APOB: variants seen among roughly 807,000 people sequenced by gnomAD.
APOB encodes apolipoprotein B-100.
A neutral mutation model predicts 314.1 loss-of-function variants in APOB; 153 were observed. The ratio of observed to expected loss-of-function variants is 0.49; its 90% CI spans 0.43 to 0.56. The LOEUF is 0.56. Ranked by LOEUF, APOB falls within the 20% of genes least tolerant of loss-of-function variation. The pLI, the probability that APOB is intolerant of heterozygous loss-of-function variation, is 0.00. For synonymous variants in APOB, 2,087 were observed against 2,036.4 expected (o/e 1.02, Z -0.67); for missense variants, 5,430 against 5,350.7 (o/e 1.01, Z -0.46).
intron 16 of APOB, 88 bp from the exon 17 acceptor site, chr2:21,023,780 A>G (rs542955265): frequency 1.8e-6 from 2 of 1,108,692 alleles, no homozygotes; most frequent in African/African-American, 1.6e-5. Flanking sequence ...TTGGAGAGTA[A>G]TTCCTCTTTA....
At position 21,016,498 on chromosome 2, in the gene APOB, T is replaced by C; in HGVS notation, c.3273A>G (p.Arg1091=). 1.9e-6 allele frequency: 3 copies of C among 1,611,778 alleles called. No individual in the cohort carries two copies. Among genetic ancestry groups the C allele is most frequent in the Non-Finnish European group, 2.5e-6 (3 of 1,177,950 alleles). The change falls in exon 21 of 29, where the codon AGA becomes AGG. Residue 1091 remains arginine, a synonymous_variant. Coordinates refer to ENST00000233242, the MANE Select transcript of APOB (RefSeq NM_000384.3). ...DESTEGKTSY[R]LTLDIQNKKI... Reference sequence around the variant, plus strand: ...TCTTGTTCTGAATGTCCAGGGTGAGTCTGTAAGACGTTTTGCCCTCAGTAG... The same window carrying C: ...TCTTGTTCTGAATGTCCAGGGTGAGCCTGTAAGACGTTTTGCCCTCAGTAG...
intron 2 of APOB, 42 bp downstream of exon 2, chr2:21,043,471 G>A (rs765763812): frequency 1.9e-6 from 3 of 1,580,526 alleles, no homozygotes; most frequent in Admixed American, 3.6e-5. Context: ...GAGAGTGCAC[G>A]GGGCTGGGCG....
At chr2:21,040,356 T>C (rs1664100391) in intron 4 of APOB, among the ~76,000 whole-genome samples, 1 of 152,244 alleles carries the variant, frequency 6.6e-6, no homozygotes, top group African/African-American at 2.4e-5. Flanking sequence ...CCTGCCTGTA[T>C]TCATACACAC....
At chr2:21,036,398 G>C (rs1235627186) in intron 6 of APOB, among the ~76,000 whole-genome samples, 1 of 152,174 alleles carries the variant, frequency 6.6e-6, no homozygotes, top group African/African-American at 2.4e-5. Context: ...CAACCCTAAG[G>C]ACAATGACCA....
rs757565957 is a variant in APOB, at chr2:21,019,017, G to T, written c.3096C>A (p.Thr1032=). 6.2e-7 allele frequency: 1 copy of T among 1,613,832 alleles called. No individual in the cohort carries two copies. Among genetic ancestry groups the T allele is most frequent in the East Asian group, 2.2e-5 (1 of 44,838 alleles). The stretch of plus-strand genomic sequence containing the variant: ...CTTCTGCTTGAGTTACAAACTTCAG[G>T]GTATCCACCAAGGCTCTGTCCTCTC... ...LQREDRALVD[T]LKFVTQAEGA... The change falls in exon 20 of 29, where the codon ACC becomes ACA. Residue 1032 remains threonine, a synonymous_variant. Transcript: ENST00000233242.
chr2:21,010,595 TACA>T lies in APOB; in HGVS notation c.6270_6272del (p.Val2091del), dbSNP rs1558564363. The stretch of plus-strand genomic sequence containing the variant: ...TCAGGTTTCTCTGTACGTTTTCCAG[TACA>T]ACTATAATGGTTTGTCGATTCCTCT... On this transcript the variant is annotated inframe_deletion, in exon 26 of 29. Transcript: ENST00000233242. 1.2e-6 allele frequency: 2 copies of T among 1,613,938 alleles called. No homozygotes were observed. Among genetic ancestry groups the T allele is most frequent in the Admixed American group, 3.3e-5 (2 of 59,978 alleles).
rs375521241 is a variant in APOB at position 21,007,487 on chromosome 2, G to A, written c.9381C>T (p.Asn3127=). 6 of 1,614,084 alleles carry A rather than the reference G, an allele frequency of 3.7e-6. No homozygotes were observed. Among genetic ancestry groups the A allele is most frequent in the Non-Finnish European group, 4.2e-6 (5 of 1,179,972 alleles). The change falls in exon 26 of 29, where the codon AAC becomes AAT. Residue 3127 remains asparagine (N), a synonymous_variant. Coordinates refer to ENST00000233242, the MANE Select transcript of APOB (RefSeq NM_000384.3). The part of the protein sequence containing the change: ...INGEANLDFL[N]IPLTIPEMRL... Reference sequence around the variant, plus strand: ...GCATTTCAGGAATTGTTAAAGGAATGTTTAAGAAATCCAGATTTGCTTCTC... The same window carrying A: ...GCATTTCAGGAATTGTTAAAGGAATATTTAAGAAATCCAGATTTGCTTCTC...
chr2:21,014,654 A>G, intron 23 of APOB, 61 bp from the exon 24 acceptor site: 3 of 1,571,894 alleles, frequency 1.9e-6, no homozygotes, highest in South Asian at 1.1e-5. Flanking sequence ...AGAGCAATGA[A>G]CATTAGGCAA....
At chr2:21,038,709 C>G (rs894447854) in intron 4 of APOB, among the ~76,000 whole-genome samples, 1 of 152,206 alleles carries the variant, frequency 6.6e-6, no homozygotes, top group Non-Finnish European at 1.5e-5. Context: ...TTTGCCCATC[C>G]TCCCCATACG....
chr2:21,035,045 A>G, intron 7 of APOB, 144 bp from the exon 8 acceptor site: 1 of 737,492 alleles, frequency 1.4e-6, no homozygotes, highest in Non-Finnish European at 2.5e-6. Context: ...TTGGCCCTGA[A>G]TGAATAACAT....
chr2:21,017,617 G>A (rs1393496276), intron 20 of APOB, among the ~76,000 whole-genome samples: 2 of 152,052 alleles, frequency 1.3e-5, no homozygotes, highest in Non-Finnish European at 2.9e-5. Context: ...CAGCCCTTCT[G>A]GGCCAGGAAG....
intron 18 of APOB, 53 bp downstream of exon 18, chr2:21,022,778 A>C: frequency 6.3e-7 from 1 of 1,575,584 alleles, no homozygotes; most frequent in Non-Finnish European, 8.7e-7. Flanking sequence ...CTGCAGGTAC[A>C]TTCTCTGTTC....
intron 16 of APOB, 89 bp downstream of exon 16, chr2:21,024,844 G>A (rs1426750641): frequency 1.5e-6 from 2 of 1,379,036 alleles, no homozygotes; most frequent in East Asian, 2.3e-5. Context: ...TTTCGGGCTT[G>A]TGCAGCTGGG....
chr2:21,008,569 G>A lies in APOB; in HGVS notation c.8299C>T (p.Pro2767Ser), dbSNP rs138465008. ...GCATTTGCATCTAATGTGAAAAGAG[G>A]AGATTGGATTTTCAGAATACTGTAT... Reference protein sequence around the residue: ...KLYSILKIQSPLFTLDANADI... With the variant: ...KLYSILKIQSSLFTLDANADI... Residue 2767 changes from proline (P) to serine (S), a missense_variant, in exon 26 of 29, where the codon CCT becomes TCT. By Grantham distance (74) the Pro-to-Ser change is moderately conservative. Transcript: ENST00000233242. 4.3e-5 allele frequency: 70 copies of A among 1,614,020 alleles called. No homozygotes were observed. The highest frequency in any genetic ancestry group is 5.6e-5 in the Non-Finnish European group (66 of 1,179,990).
In APOB at chr2:21,002,526, A is replaced by C. The variant is rs776181718; in HGVS notation, c.12896T>G (p.Leu4299Arg). The C allele has an allele frequency of 6.2e-7, 1 of 1,613,764 alleles. No homozygotes were observed. The highest frequency in any genetic ancestry group is 1.7e-5 in the Admixed American group (1 of 60,012). ...GAAAATGAATTGTAAAAGGTCCTGA[A>C]GATTACGTAGCACCTCTGTGGTCTT... The part of the protein sequence containing the change: ...SLKTTEVLRN[L>R]QDLLQFIFQL... Residue 4299 changes from leucine to arginine, a missense_variant, in exon 29 of 29, where the codon CTT becomes CGT. Around this residue, in one of 3 missense-constraint regions of APOB, gnomAD observed 3,281 missense variants for 3,171.0 expected, o/e 1.03. Transcript: ENST00000233242.
chr2:21,027,958 G>T lies in APOB; in HGVS notation c.1937C>A (p.Pro646Gln), dbSNP rs760667226. The change falls in exon 14 of 29, where the codon CCA becomes CAA. Residue 646 changes from proline to glutamine, a missense_variant. This residue lies in a region of APOB where 2,085 missense variants were observed against 2,079.7 expected (regional missense o/e 1.00). Coordinates refer to ENST00000233242, the MANE Select transcript of APOB (RefSeq NM_000384.3). ...TTTGGCTGAGGCTGGGTCAAGTGAT[G>T]GAAGAGAAACAGATTTGTAGAGTTG... ...NYQLYKSVSL[P>Q]SLDPASAKIE... 1.2e-6 allele frequency: 2 copies of T among 1,613,880 alleles called. No individual in the cohort carries two copies. Among genetic ancestry groups the T allele is most frequent in the East Asian group, 4.5e-5 (2 of 44,880 alleles).
Position 21,006,500 on chromosome 2 carries a change from G to A in APOB, c.10368C>T (p.Ser3456=). 6.2e-7 allele frequency: 1 copy of A among 1,614,142 alleles called. No homozygotes were observed. Among genetic ancestry groups the A allele is most frequent in the South Asian group, 1.1e-5 (1 of 91,084 alleles). ...TGAAATCATACTTAAATTCCATGGA[G>A]GAAGAGACAGTAGGTTTTGACTTGG... ...GNTKSKPTVS[S]SMEFKYDFNS... is the part of the protein sequence containing the mutation. The change falls in exon 26 of 29, where the codon TCC becomes TCT. Residue 3456 remains serine (S), a synonymous_variant. Coordinates refer to ENST00000233242, the MANE Select transcript of APOB (RefSeq NM_000384.3).
chr2:21,013,589 TCTCTGC>T, intron 24 of APOB, 56 bp from the exon 25 acceptor site: 1 of 1,611,546 alleles, frequency 6.2e-7, no homozygotes, highest in Non-Finnish European at 8.5e-7. Context: ...CATTCAAAGT[TCTCTGC>T]CTCTGACCTT....
intron 14 of APOB, among the ~76,000 whole-genome samples, chr2:21,027,306 ATT>A (rs71391771): frequency 0.015 from 1,626 of 105,802 alleles, 22 homozygotes; most frequent in African/African-American, 0.049. Context: ...TTGCATTTCA[ATT>A]TTTTTTTTTT....
Sources: allele counts gnomAD v4.1 joint callset (sites outside exome capture counted in the v4.1 genomes callset), GRCh38; gene constraint gnomAD v4.1.1; regional missense constraint gnomAD v4.1.1; transcripts MANE v1.5; gene names NCBI Gene and HGNC (gene_info 2026-07-23, HGNC 2026-07-21).